The following PPP2R2C variants were observed in gnomAD, a reference collection of about 807,000 sequenced individuals.
PPP2R2C encodes protein phosphatase 2, regulatory subunit B, gamma.
In PPP2R2C, 10 loss-of-function variants were observed where a neutral mutation model predicts 45.3. The observed-to-expected ratio is 0.22, with a 90% CI of 0.14 to 0.37. The LOEUF is 0.37. PPP2R2C is among the 10% of genes least tolerant of loss of function. The pLI, the probability that PPP2R2C is intolerant of heterozygous loss-of-function variation, is 1.00. For missense variants in PPP2R2C, 308 were observed against 619.7 expected, an observed-to-expected ratio of 0.50 and a Z score of 5.34; for synonymous variants, 257 against 245.4, an observed-to-expected ratio of 1.05 and a Z score of -0.44.
chr4:6,439,241 T>C (rs938197595), intron 1 of PPP2R2C, among the ~76,000 whole-genome samples: 1 of 152,214 alleles, frequency 6.6e-6, no homozygotes, highest in African/African-American at 2.4e-5. Flanking sequence ...AAATGACTAA[T>C]TACTCTAGTC....
intron 2 of PPP2R2C, among the ~76,000 whole-genome samples, chr4:6,502,086 A>G (rs893752619): frequency 1.7e-4 from 26 of 152,252 alleles, no homozygotes; most frequent in Non-Finnish European, 3.2e-4. Context: ...GATCTGGAGC[A>G]GGATAGGGAG....
intron 2 of PPP2R2C, among the ~76,000 whole-genome samples, chr4:6,531,776 C>T (rs1724410532): frequency 6.6e-6 from 1 of 152,132 alleles, no homozygotes; most frequent in Non-Finnish European, 1.5e-5. Flanking sequence ...TACCTTGCCA[C>T]TCAGTCCCCA....
intron 1 of PPP2R2C, among the ~76,000 whole-genome samples, chr4:6,553,244 T>C (rs1178750369): frequency 6.6e-6 from 1 of 152,174 alleles, no homozygotes; most frequent in Non-Finnish European, 1.5e-5. Flanking sequence ...CCCTGCAAGC[T>C]CTGACTGGTG....
At chr4:6,542,404 C>A (rs545604318) in intron 1 of PPP2R2C, among the ~76,000 whole-genome samples, 1 of 152,204 alleles carries the variant, frequency 6.6e-6, no homozygotes, top group Admixed American at 6.5e-5. Flanking sequence ...TAAAAGATAA[C>A]GCGAGAATGG....
chr4:6,433,590 G>C (rs540556778), intron 1 of PPP2R2C, among the ~76,000 whole-genome samples: 1 of 152,264 alleles, frequency 6.6e-6, no homozygotes, highest in East Asian at 1.9e-4. Flanking sequence ...CTGTGGCCAA[G>C]TCATCCCCCC....
intron 2 of PPP2R2C, among the ~76,000 whole-genome samples, chr4:6,502,839 T>C (rs1460044557): frequency 6.6e-6 from 1 of 152,164 alleles, no homozygotes; most frequent in Non-Finnish European, 1.5e-5. Context: ...CCGAAAAACC[T>C]TGGAGATGTC....
chr4:6,410,188 CAG>C (rs1718068820), intron 1 of PPP2R2C, among the ~76,000 whole-genome samples: 1 of 152,206 alleles, frequency 6.6e-6, no homozygotes, highest in African/African-American at 2.4e-5. Flanking sequence ...GCTGATGAAG[CAG>C]AGTGTGAGCT....
chr4:6,481,090 A>G (rs561262697), intron 2 of PPP2R2C, among the ~76,000 whole-genome samples: 5 of 152,220 alleles, frequency 3.3e-5, no homozygotes, highest in East Asian at 1.9e-4. Flanking sequence ...GTCTGTTTCT[A>G]TGTTGCAAAC....
intron 1 of PPP2R2C, among the ~76,000 whole-genome samples, chr4:6,388,135 C>CT (rs1716359925): frequency 6.6e-6 from 1 of 152,210 alleles, no homozygotes; most frequent in South Asian, 2.1e-4. Flanking sequence ...TCATGCTGTC[C>CT]TTCCCCCCCT....
At chr4:6,397,029 T>C (rs1305394707) in intron 1 of PPP2R2C, among the ~76,000 whole-genome samples, 1 of 152,360 alleles carries the variant, frequency 6.6e-6, no homozygotes, top group South Asian at 2.1e-4. Flanking sequence ...CGCGCACTGA[T>C]GCGAGCCAGC....
chr4:6,502,879 C>A (rs888556783), intron 2 of PPP2R2C, among the ~76,000 whole-genome samples: 1 of 152,168 alleles, frequency 6.6e-6, no homozygotes, highest in Non-Finnish European at 1.5e-5. Flanking sequence ...ACACCCACAT[C>A]TAATGCCCTG....
chr4:6,401,856 T>C (rs1280637185), intron 1 of PPP2R2C, among the ~76,000 whole-genome samples: 5 of 152,136 alleles, frequency 3.3e-5, no homozygotes, highest in Non-Finnish European at 5.9e-5. Flanking sequence ...CCATGGAAGC[T>C]ACCTGCCGAT....
At chr4:6,535,600 C>T (rs999723728) in intron 1 of PPP2R2C, among the ~76,000 whole-genome samples, 5 of 152,228 alleles carry the variant, frequency 3.3e-5, no homozygotes, top group Non-Finnish European at 7.3e-5. Context: ...GGGGACGACA[C>T]ACCACCTTCC....
At chr4:6,394,876 C>T (rs1234161800) in intron 1 of PPP2R2C, among the ~76,000 whole-genome samples, 1 of 152,080 alleles carries the variant, frequency 6.6e-6, no homozygotes, top group South Asian at 2.1e-4. Context: ...TGTCCATCAG[C>T]CCCCTTCCCA....
chr4:6,392,999 G>C (rs1280732679), intron 1 of PPP2R2C, among the ~76,000 whole-genome samples: 1 of 152,188 alleles, frequency 6.6e-6, no homozygotes, highest in Non-Finnish European at 1.5e-5. Flanking sequence ...TATGAGGAAA[G>C]GCGTTGCATC....
chr4:6,538,372 T>G (rs6832910), intron 1 of PPP2R2C, among the ~76,000 whole-genome samples: 19,693 of 152,016 alleles, frequency 0.13, 1,969 homozygotes, highest in East Asian at 0.51. Flanking sequence ...TCTGCCAAGT[T>G]CCACCGACAC....
intron 6 of PPP2R2C, among the ~76,000 whole-genome samples, chr4:6,336,355 G>A (rs893200143): frequency 6.6e-6 from 1 of 152,080 alleles, no homozygotes; most frequent in Non-Finnish European, 1.5e-5. Flanking sequence ...CCATGGGAAG[G>A]AAGGGTGAGG....
At chr4:6,415,445 G>A (rs538359679) in intron 1 of PPP2R2C, among the ~76,000 whole-genome samples, 1 of 152,362 alleles carries the variant, frequency 6.6e-6, no homozygotes, top group East Asian at 1.9e-4. Context: ...CACGGTGACA[G>A]TGACACTTTG....
intron 8 of PPP2R2C, among the ~76,000 whole-genome samples, chr4:6,325,896 C>T (rs1187555023): frequency 6.6e-6 from 1 of 151,270 alleles, no homozygotes; most frequent in East Asian, 1.9e-4. Context: ...AAGGCTCCTG[C>T]CCTCGCCACC....
Sources: allele counts gnomAD v4.1 joint callset (sites outside exome capture counted in the v4.1 genomes callset), GRCh38; gene constraint gnomAD v4.1.1; transcripts MANE v1.5; gene names NCBI Gene and HGNC (gene_info 2026-07-23, HGNC 2026-07-21).